Variants in ZNF471 observed in about 807,000 individuals in gnomAD.
ZNF471 encodes zinc finger protein 471, also known as EZFIT-related protein 1.
A neutral mutation model predicts 13.7 loss-of-function variants in ZNF471; 7 were observed. The observed-to-expected ratio is 0.51, with a 90% CI of 0.29 to 0.96. The LOEUF is 0.96. Ranked by LOEUF, ZNF471 falls within the 40% of genes least tolerant of loss-of-function variation. ZNF471 has a pLI of 0.08. For missense variants in ZNF471, 663 were observed against 743.3 expected (o/e 0.89, Z 1.26); for synonymous variants, 218 against 235.6 (o/e 0.93, Z 0.68).
chr19:56,519,535 C>T (rs188908793), intron 4 of ZNF471, among the ~76,000 whole-genome samples: 2 of 152,244 alleles, frequency 1.3e-5, no homozygotes, highest in East Asian at 3.9e-4. Context: ...AATTAACTTG[C>T]TTATGTTTAA....
intron 4 of ZNF471, among the ~76,000 whole-genome samples, 158 bp downstream of exon 4, chr19:56,518,735 A>G (rs935489429): frequency 1.4e-4 from 21 of 152,160 alleles, no homozygotes; most frequent in Non-Finnish European, 2.1e-4. Flanking sequence ...GGGCCCCTCA[A>G]ATATCTTCTC....
chr19:56,519,859 A>C (rs2043945061), intron 4 of ZNF471, among the ~76,000 whole-genome samples: 1 of 152,226 alleles, frequency 6.6e-6, no homozygotes, highest in East Asian at 1.9e-4. Flanking sequence ...GAAGTCTTGC[A>C]CCTTTCTGTT....
rs748002009 is a variant in ZNF471 at position 56,524,766 on chromosome 19, A to T, written c.699A>T (p.Pro233=). 2 of 1,612,322 alleles carry T rather than the reference A, an allele frequency of 1.2e-6. No homozygotes were observed. The highest frequency in any genetic ancestry group is 4.5e-5 in the East Asian group (2 of 44,876). Residue 233 remains proline, a synonymous_variant, in exon 5 of 5, where the codon CCA becomes CCT. Transcript: ENST00000308031. This position sits in a 1 kb window ranked among gnomAD's most constrained non-coding sequence, Gnocchi z 4.8. ...VHFRIHTGEK[P]YACEECGKAF... is the part of the protein sequence containing the mutation. The stretch of plus-strand genomic sequence containing the variant: ...TTAGAATTCATACTGGTGAAAAACC[A>T]TATGCATGTGAGGAATGTGGAAAAG...
intron 2 of ZNF471, among the ~76,000 whole-genome samples, chr19:56,515,208 T>G (rs554821057): frequency 1.3e-5 from 2 of 152,292 alleles, no homozygotes; most frequent in South Asian, 4.1e-4. Context: ...GTTTTTTCTG[T>G]GGGAACAGCC....
chr19:56,514,228 A>C (rs1193676873), intron 2 of ZNF471, among the ~76,000 whole-genome samples: 1 of 151,714 alleles, frequency 6.6e-6, no homozygotes, highest in Non-Finnish European at 1.5e-5. Context: ...TGCACAGCCA[A>C]TTTTTGTATT....
In ZNF471 at chr19:56,510,603, G is replaced by C. The variant is rs1264196768; in HGVS notation, c.-55-914G>C. The C allele has an allele frequency of 1.0e-6, 1 of 985,440 alleles. No homozygotes were observed. Among genetic ancestry groups the C allele is most frequent in the Non-Finnish European group, 1.2e-6 (1 of 829,904 alleles). 61.0% of individuals were successfully genotyped at this position (985,440 alleles called of 1,614,324 possible). A position where few individuals can be genotyped will look rare whatever the true frequency, so the allele number is the denominator to read the frequency against. ...GTGACTGTGTATATGTGCTTGTTTT[G>C]GGGTGCTTGTGATTGTGTCCTCCGT... On this transcript the variant is annotated intron_variant, in intron 1 of 4. Transcript: ENST00000308031. The surrounding 1 kb of genome is among the most constrained non-coding windows in gnomAD (Gnocchi z 4.3).
At chr19:56,521,698 C>T (rs1034607941) in intron 4 of ZNF471, among the ~76,000 whole-genome samples, 3 of 148,404 alleles carry the variant, frequency 2.0e-5, no homozygotes, top group Admixed American at 2.0e-4. Flanking sequence ...CACCTATAAT[C>T]GCAGCACTTT....
chr19:56,525,450 C>G lies in ZNF471; in HGVS notation c.1383C>G (p.Cys461Trp). 6.2e-7 allele frequency: 1 copy of G among 1,613,926 alleles called. No individual in the cohort carries two copies. Among genetic ancestry groups the G allele is most frequent in the Non-Finnish European group, 8.5e-7 (1 of 1,180,002 alleles). Residue 461 changes from cysteine (C) to tryptophan (W), a missense_variant, in exon 5 of 5, where the codon TGC (cysteine) becomes TGG (tryptophan). Cys to Trp is a radical substitution (Grantham distance 215). Transcript: ENST00000308031. ...RVHSGEKPYECKECGKAFRQN... is the reference protein window; with the variant it reads ...RVHSGEKPYEWKECGKAFRQN... ...ATTCTGGAGAGAAACCGTATGAATG[C>G]AAGGAATGTGGGAAAGCCTTTAGGC...
chr19:56,513,970 T>C (rs544298075), intron 2 of ZNF471, among the ~76,000 whole-genome samples: 2 of 152,196 alleles, frequency 1.3e-5, no homozygotes, highest in Admixed American at 6.5e-5. Flanking sequence ...GTGGTACTTT[T>C]GTTAAAATTA....
rs1268653030 is a variant in ZNF471, at chr19:56,526,083, C to T, written c.*135C>T. 89 of 846,860 alleles carry T rather than the reference C, an allele frequency of 1.1e-4. 3 individuals are homozygous for T. The South Asian group carries it at 1.3e-3, about 12-fold the overall frequency. The allele number at this position is 846,860 out of a possible 1,614,324, so 52.5% of individuals were successfully genotyped here. ...TCAGCCAGGAGGCTGGCAAGATGGCCGAATAGGAACAGCTCTGATCTGCAG... is the reference window on the plus strand; with the variant it reads ...TCAGCCAGGAGGCTGGCAAGATGGCTGAATAGGAACAGCTCTGATCTGCAG... On this transcript the variant is annotated 3_prime_UTR_variant, in exon 5 of 5. Transcript: ENST00000308031.
In ZNF471 at chr19:56,508,550, G is replaced by A. The variant is rs2043766423; in HGVS notation, c.-56+630G>A. On this transcript the variant is annotated intron_variant, in intron 1 of 4. Coordinates refer to ENST00000308031, the MANE Select transcript of ZNF471 (RefSeq NM_020813.4). This position sits in a 1 kb window ranked among gnomAD's most constrained non-coding sequence, Gnocchi z 4.7. ...TGTGCCTGTGTGTGAAAGGCCGGTC[G>A]GTCGGTGGGTGAGGCTCAATGAGAG... Among the ~76,000 whole-genome samples the A allele has an allele frequency of 1.3e-5, 2 of 151,546 alleles. No individual in the cohort carries two copies. Among genetic ancestry groups the A allele is most frequent in the South Asian group, 4.2e-4 (2 of 4,770 alleles).
chr19:56,508,100 T>TC lies in ZNF471; in HGVS notation c.-56+181dup. The TC allele has an allele frequency of 1.0e-6, 1 of 985,366 alleles. No homozygotes were observed. Among genetic ancestry groups the TC allele is most frequent in the South Asian group, 4.7e-5 (1 of 21,286 alleles). 61.0% of individuals were successfully genotyped at this position (985,366 alleles called of 1,614,324 possible). A position where few individuals can be genotyped will look rare whatever the true frequency, so the allele number is the denominator to read the frequency against. Reference sequence around the variant, plus strand: ...GAGTCTGCGGGGCGGAGGCCGCGGCTCGGGGCTGCTGGGCGTTCGGGGCGG... The same window carrying TC: ...GAGTCTGCGGGGCGGAGGCCGCGGCTCCGGGGCTGCTGGGCGTTCGGGGCGG... On this transcript the variant is annotated intron_variant, in intron 1 of 4. Coordinates refer to ENST00000308031, the MANE Select transcript of ZNF471 (RefSeq NM_020813.4). This position sits in a 1 kb window ranked among gnomAD's most constrained non-coding sequence, Gnocchi z 4.7.
chr19:56,526,159 A>G lies in ZNF471; in HGVS notation c.*211A>G. 1 of 510,550 alleles carries G rather than the reference A, an allele frequency of 2.0e-6. No individual in the cohort carries two copies. The highest frequency in any genetic ancestry group is 3.6e-5 in the South Asian group (1 of 27,554). The allele number at this position is 510,550 out of a possible 1,614,324, so 31.6% of individuals were successfully genotyped here. On this transcript the variant is annotated 3_prime_UTR_variant, in exon 5 of 5. Transcript: ENST00000308031. Reference sequence around the variant, plus strand: ...TGGGTGCTTTCTGTATTTCCAGCTGAGGTACCTGGCTCATCTCATTGGGAC... The same window carrying G: ...TGGGTGCTTTCTGTATTTCCAGCTGGGGTACCTGGCTCATCTCATTGGGAC...
At position 56,528,838 on chromosome 19, in the gene ZNF471, T is replaced by C. The variant is rs1453966125; in HGVS notation, c.*2890T>C. On this transcript the variant is annotated 3_prime_UTR_variant, in exon 5 of 5. Transcript: ENST00000308031. ...AAAGAGAAATTGAATAATATAGTTC[T>C]ATTTCAACATGTGGGTTCACAGATT... 1.3e-5 allele frequency: 2 copies of C among 152,206 alleles called. No individual in the cohort carries two copies. Among genetic ancestry groups the C allele is most frequent in the Non-Finnish European group, 1.5e-5 (1 of 68,036 alleles). 9.4% of individuals were successfully genotyped at this position (152,206 alleles called of 1,614,324 possible). A position where few individuals can be genotyped will look rare whatever the true frequency, so the allele number is the denominator to read the frequency against.
rs137996161 is a variant in ZNF471, at chr19:56,524,445, A to G, written c.378A>G (p.Lys126=). The G allele has an allele frequency of 1.9e-6, 3 of 1,613,796 alleles. No homozygotes were observed. Among genetic ancestry groups the G allele is most frequent in the African/African-American group, 1.3e-5 (1 of 74,916 alleles). ...LECSTFEENW[K]WEDLFEKQMG... ...GTTCCACTTTTGAAGAAAATTGGAA[A>G]TGGGAAGACCTTTTTGAGAAGCAGA... Residue 126 remains lysine (K), a synonymous_variant, in exon 5 of 5, where the codon AAA becomes AAG. Coordinates refer to ENST00000308031, the MANE Select transcript of ZNF471 (RefSeq NM_020813.4). This position sits in a 1 kb window ranked among gnomAD's most constrained non-coding sequence, Gnocchi z 4.8.
intron 4 of ZNF471, among the ~76,000 whole-genome samples, chr19:56,523,555 G>A (rs2044002108): frequency 6.6e-6 from 1 of 152,060 alleles, no homozygotes; most frequent in Admixed American, 6.5e-5. Flanking sequence ...GATAACCATA[G>A]GATTTCACCT....
In ZNF471 at chr19:56,524,607, C is replaced by A; in HGVS notation, c.540C>A (p.His180Gln). 2 of 1,590,024 alleles carry A rather than the reference C, an allele frequency of 1.3e-6. No homozygotes were observed. Among genetic ancestry groups the A allele is most frequent in the South Asian group, 2.3e-5 (2 of 85,606 alleles). ...LENIEESIYNHTSDKKSFSKN... is the reference protein window; with the variant it reads ...LENIEESIYNQTSDKKSFSKN... ...ACATAGAAGAGAGTATTTATAATCA[C>A]ACATCAGATAAAAAAAGCTTCTCCA... Residue 180 changes from histidine (H) to glutamine (Q), a missense_variant, in exon 5 of 5, where the codon CAC (histidine) becomes CAA (glutamine). By Grantham distance (24) the His-to-Gln change is conservative. Transcript: ENST00000308031. The surrounding 1 kb of genome is among the most constrained non-coding windows in gnomAD (Gnocchi z 4.8).
Position 56,525,087 on chromosome 19 carries a change from C to T in ZNF471, c.1020C>T (p.His340=), listed in dbSNP as rs1385248659. The change falls in exon 5 of 5, where the codon CAC becomes CAT. Residue 340 remains histidine, a synonymous_variant. Coordinates refer to ENST00000308031, the MANE Select transcript of ZNF471 (RefSeq NM_020813.4). ...CTTTTGCTCGACATCAGAGATGTCACACTGGCAAAAGACCCTATGAATGTA... is the reference window on the plus strand; with the variant it reads ...CTTTTGCTCGACATCAGAGATGTCATACTGGCAAAAGACCCTATGAATGTA... ...GSSFARHQRC[H]TGKRPYECIE... is the part of the protein sequence containing the mutation. The T allele has an allele frequency of 1.9e-6, 3 of 1,613,774 alleles. No homozygotes were observed. Among genetic ancestry groups the T allele is most frequent in the Non-Finnish European group, 2.5e-6 (3 of 1,179,906 alleles).
Position 56,509,027 on chromosome 19 carries a change from C to T in ZNF471, c.-56+1107C>T, listed in dbSNP as rs1003628771. Among the ~76,000 whole-genome samples the T allele has an allele frequency of 2.5e-4, 38 of 152,254 alleles. 1 individual carries two copies. Among genetic ancestry groups the T allele is most frequent in the Admixed American group, 1.2e-3 (19 of 15,300 alleles). ...GGACAAAGTTATGTTTCCTGGCTTA[C>T]GACTTCTAAGATCCTTGGAATCTCC... On this transcript the variant is annotated intron_variant, in intron 1 of 4. Transcript: ENST00000308031.
Sources: gnomAD v4.1 joint callset for allele counts (sites outside exome capture counted in the v4.1 genomes callset) on GRCh38, gnomAD v4.1.1 for gene constraint, Gnocchi (gnomAD v3.1) non-coding constraint, MANE v1.5 for transcripts, NCBI Gene and HGNC (gene_info 2026-07-23, HGNC 2026-07-21) for gene names.